Variants in NHSL3 observed in about 807,000 individuals in gnomAD.
NHSL3 encodes the protein NHS-like protein 3.
the NHSL3 span, among the ~76,000 whole-genome samples, chr1:32,749,353 C>T: frequency 1.3e-5 from 2 of 152,144 alleles, no homozygotes; most frequent in African/African-American, 4.8e-5. Context: ...CAGACTCTTC[C>T]CTCTGCCCTG....
At chr1:32,748,059 G>C in the NHSL3 span, among the ~76,000 whole-genome samples, 1 of 152,196 alleles carries the variant, frequency 6.6e-6, no homozygotes, top group Non-Finnish European at 1.5e-5. Context: ...GCAGTGAGCT[G>C]TGATCACGCC....
chr1:32,755,937 GAACT>G, the NHSL3 span, among the ~76,000 whole-genome samples: 2 of 152,116 alleles, frequency 1.3e-5, no homozygotes, highest in Non-Finnish European at 2.9e-5. Context: ...GGTTTCCTAG[GAACT>G]AACTGTGGGC....
chr1:32,773,198 G>GCAGAGTTGGGAGCAGGACACCTCAC, the NHSL3 span: 1 of 488,908 alleles, frequency 2.0e-6, no homozygotes, highest in Non-Finnish European at 3.7e-6. Context: ...CCCTGAGGCT[G>GCAGAGTTGGGAGCAGGACACCTCAC]CAGAGTTGGG....
the NHSL3 span, chr1:32,768,021 G>A: frequency 1.2e-6 from 2 of 1,613,166 alleles, no homozygotes; most frequent in South Asian, 1.1e-5. Context: ...AGCTGTCAAG[G>A]TCAGGGGCCT....
At chr1:32,752,900 T>A in the NHSL3 span, among the ~76,000 whole-genome samples, 296 of 91,244 alleles carry the variant, frequency 3.2e-3, 1 homozygote, top group African/African-American at 0.013. Flanking sequence ...AAAAAAAACA[T>A]GCACACACAC....
chr1:32,760,298 G>A, the NHSL3 span, among the ~76,000 whole-genome samples: 3 of 152,106 alleles, frequency 2.0e-5, no homozygotes, highest in Non-Finnish European at 2.9e-5. Flanking sequence ...CTGTGGGCGC[G>A]CCACCACCCC....
At chr1:32,753,996 C>T in the NHSL3 span, 1 of 412,056 alleles carries the variant, frequency 2.4e-6, no homozygotes, top group Admixed American at 4.7e-5. Context: ...GGTGCCCGCC[C>T]GCGAGTCTCG....
chr1:32,755,669 G>A, the NHSL3 span, among the ~76,000 whole-genome samples: 1 of 152,162 alleles, frequency 6.6e-6, no homozygotes, highest in Admixed American at 6.6e-5. Context: ...ACTTGTCCAA[G>A]GTCATTTGCC....
chr1:32,755,702 A>G, the NHSL3 span, among the ~76,000 whole-genome samples: 189 of 152,318 alleles, frequency 1.2e-3, 1 homozygote, highest in African/African-American at 4.2e-3. Flanking sequence ...AGGTAGTAAT[A>G]TAATCAAAAT....
the NHSL3 span, among the ~76,000 whole-genome samples, chr1:32,761,509 G>A: frequency 6.6e-6 from 1 of 152,312 alleles, no homozygotes; most frequent in South Asian, 2.1e-4. Flanking sequence ...CAGGAGCTCA[G>A]CCCTTAGTTT....
chr1:32,745,958 C>T, the NHSL3 span, among the ~76,000 whole-genome samples: 6 of 151,974 alleles, frequency 3.9e-5, no homozygotes, highest in East Asian at 3.9e-4. Flanking sequence ...AGGCCAGGCA[C>T]GGTGGCTCAC....
At chr1:32,772,434 G>A in the NHSL3 span, 1 of 1,521,616 alleles carries the variant, frequency 6.6e-7, no homozygotes, top group Non-Finnish European at 8.8e-7. Flanking sequence ...TGGGCCTCCC[G>A]GGCTCAGGTA....
At chr1:32,774,177 C>T in the NHSL3 span, 1 of 152,680 alleles carries the variant, frequency 6.5e-6, no homozygotes, top group Non-Finnish European at 1.5e-5. Flanking sequence ...CCCAGGGCCA[C>T]CGCTTCTTTC....
chr1:32,759,923 GAC>G, the NHSL3 span, among the ~76,000 whole-genome samples: 1 of 152,220 alleles, frequency 6.6e-6, no homozygotes. Flanking sequence ...TGTTCTGCGA[GAC>G]AGTAGAAGAG....
chr1:32,754,139 G>T, the NHSL3 span: 2 of 712,090 alleles, frequency 2.8e-6, no homozygotes, highest in South Asian at 1.5e-5. Flanking sequence ...CCCCGGGTCC[G>T]CAGCTTCTGG....
the NHSL3 span, among the ~76,000 whole-genome samples, chr1:32,752,991 C>T: frequency 2.4e-5 from 3 of 125,402 alleles, no homozygotes; most frequent in East Asian, 2.5e-4. Flanking sequence ...TTTTTTGAGA[C>T]GGAGTCTTGC....
At chr1:32,769,825 G>A in the NHSL3 span, 1 of 1,610,812 alleles carries the variant, frequency 6.2e-7, no homozygotes. Flanking sequence ...GGGGTGGGTG[G>A]GGAGCCTTGG....
At chr1:32,769,122 C>A in the NHSL3 span, among the ~76,000 whole-genome samples, 3 of 151,866 alleles carry the variant, frequency 2.0e-5, no homozygotes, top group Admixed American at 2.0e-4. Context: ...TGCCTGATGG[C>A]GGGTGCCTGT....
chr1:32,768,585 C>CA, the NHSL3 span: 18 of 1,570,426 alleles, frequency 1.1e-5, no homozygotes, highest in African/African-American at 1.4e-5. Flanking sequence ...GGATTTGTCT[C>CA]AAAAAAAAGT....
Sources: gnomAD v4.1 joint callset for allele counts (sites outside exome capture counted in the v4.1 genomes callset) on GRCh38, gnomAD v4.1.1 for gene constraint, MANE v1.5 for transcripts, NCBI Gene and HGNC (gene_info 2026-07-23, HGNC 2026-07-21) for gene names.